ADORA2B: variants seen among roughly 807,000 people sequenced by gnomAD.
ADORA2B encodes the protein adenosine receptor A2b.
ADORA2B carries 18 observed loss-of-function variants against 20.8 expected under a neutral mutation model. The ratio of observed to expected loss-of-function variants is 0.87; its 90% CI spans 0.60 to 1.29. The LOEUF (loss-of-function observed/expected upper bound fraction) is 1.29, where lower values mean the gene tolerates loss of function less well. Among genes scored for constraint, ADORA2B ranks in the 50% most tolerant of loss-of-function variants. ADORA2B has a pLI of 0.00. For missense variants in ADORA2B, 441 were observed against 422.7 expected, an observed-to-expected ratio of 1.04 and a Z score of -0.38; for synonymous variants, 179 against 178.3, an observed-to-expected ratio of 1.00 and a Z score of -0.03.
chr17:15,921,182 G>T, the ADORA2B span, among the ~76,000 whole-genome samples: 1 of 152,230 alleles, frequency 6.6e-6, no homozygotes, highest in Non-Finnish European at 1.5e-5. Flanking sequence ...TTTCCAGAAA[G>T]CAGACAAGCT....
At chr17:15,855,993 T>C in the ADORA2B span, among the ~76,000 whole-genome samples, 230 of 152,164 alleles carry the variant, frequency 1.5e-3, no homozygotes, top group Non-Finnish European at 2.4e-3. Flanking sequence ...TACTCTCTGC[T>C]TCTCTGAGTT....
chr17:15,895,930 C>A, the ADORA2B span, among the ~76,000 whole-genome samples: 1 of 152,172 alleles, frequency 6.6e-6, no homozygotes, highest in Admixed American at 6.5e-5. Flanking sequence ...CCAAGGCTCA[C>A]AACATGCTGC....
intron 1 of ADORA2B, among the ~76,000 whole-genome samples, chr17:15,961,349 T>C (rs1455060700): frequency 6.6e-6 from 1 of 152,192 alleles, no homozygotes; most frequent in East Asian, 1.9e-4. Context: ...TGAGTTTGGT[T>C]GTTTCCTTAT....
At chr17:15,923,374 TC>T in the ADORA2B span, among the ~76,000 whole-genome samples, 9 of 140,662 alleles carry the variant, frequency 6.4e-5, no homozygotes, top group South Asian at 1.6e-3. Flanking sequence ...TCTGTCTCTC[TC>T]TCTATGTGTG....
At chr17:15,956,697 G>A (rs906850799) in intron 1 of ADORA2B, among the ~76,000 whole-genome samples, 1 of 147,488 alleles carries the variant, frequency 6.8e-6, no homozygotes. Context: ...CTGGGTTCAA[G>A]CGATTCTCTT....
At chr17:15,961,486 C>T (rs1970042353) in intron 1 of ADORA2B, among the ~76,000 whole-genome samples, 1 of 152,118 alleles carries the variant, frequency 6.6e-6, no homozygotes, top group Non-Finnish European at 1.5e-5. Context: ...TAAATCTGAT[C>T]ACATGGTAAA....
At chr17:15,866,730 GCTGCCTCTGCCT>G in the ADORA2B span, among the ~76,000 whole-genome samples, 1 of 144,404 alleles carries the variant, frequency 6.9e-6, no homozygotes, top group Admixed American at 6.7e-5. Context: ...TGCCGCTGCC[GCTGCCTCTGCCT>G]CTGCCGCTGC....
At chr17:15,873,694 G>C in the ADORA2B span, among the ~76,000 whole-genome samples, 2 of 152,072 alleles carry the variant, frequency 1.3e-5, no homozygotes, top group Non-Finnish European at 2.9e-5. Flanking sequence ...CACAATGAGA[G>C]ACCACGTTAC....
At chr17:15,856,751 A>G in the ADORA2B span, among the ~76,000 whole-genome samples, 1 of 152,234 alleles carries the variant, frequency 6.6e-6, no homozygotes, top group Non-Finnish European at 1.5e-5. Flanking sequence ...CCCCTGCCTT[A>G]GAGATCTGTG....
the ADORA2B span, among the ~76,000 whole-genome samples, chr17:15,901,169 A>G: frequency 6.6e-6 from 1 of 152,150 alleles, no homozygotes; most frequent in Admixed American, 6.5e-5. Context: ...AGCTATACTG[A>G]AATAGCTAAT....
At chr17:15,933,455 G>C in the ADORA2B span, among the ~76,000 whole-genome samples, 1 of 152,074 alleles carries the variant, frequency 6.6e-6, no homozygotes, top group Non-Finnish European at 1.5e-5. Context: ...CCAGTTATTT[G>C]GGTATTTTTA....
intron 1 of ADORA2B, among the ~76,000 whole-genome samples, chr17:15,950,491 C>T (rs1017007406): frequency 6.6e-6 from 1 of 152,176 alleles, no homozygotes; most frequent in Admixed American, 6.5e-5. Flanking sequence ...TACCAGGATG[C>T]CACTGAATTC....
intron 1 of ADORA2B, among the ~76,000 whole-genome samples, chr17:15,960,769 G>C (rs1463717949): frequency 6.8e-6 from 1 of 147,708 alleles, no homozygotes; most frequent in Non-Finnish European, 1.5e-5. Context: ...CCAGCTACTC[G>C]GGAGGCTGAG....
At chr17:15,940,854 G>T (rs558821160), upstream of ADORA2B, among the ~76,000 whole-genome samples, 3 of 152,354 alleles carry the variant, frequency 2.0e-5, no homozygotes, top group East Asian at 5.8e-4. Flanking sequence ...GCCCTCTTCT[G>T]CATTGAATGA....
At chr17:15,862,683 C>T in the ADORA2B span, among the ~76,000 whole-genome samples, 1 of 152,038 alleles carries the variant, frequency 6.6e-6, no homozygotes, top group East Asian at 1.9e-4. Flanking sequence ...CAGCCCCTTG[C>T]ATTGTGCAAC....
At chr17:15,910,187 T>C in the ADORA2B span, among the ~76,000 whole-genome samples, 1 of 152,210 alleles carries the variant, frequency 6.6e-6, no homozygotes, top group Non-Finnish European at 1.5e-5. Flanking sequence ...CATCTCTGAT[T>C]GCTGATCTGA....
At chr17:15,874,538 A>T in the ADORA2B span, among the ~76,000 whole-genome samples, 32 of 150,386 alleles carry the variant, frequency 2.1e-4, no homozygotes, top group South Asian at 1.1e-3. Context: ...AAAAAAAAAT[A>T]AATAATAAGC....
At chr17:15,869,219 C>T in the ADORA2B span, among the ~76,000 whole-genome samples, 7 of 151,618 alleles carry the variant, frequency 4.6e-5, no homozygotes, top group Non-Finnish European at 1.0e-4. Context: ...ACTCGGGAGG[C>T]TGAGGCACTA....
At chr17:15,949,828 G>A (rs1969873509) in intron 1 of ADORA2B, among the ~76,000 whole-genome samples, 1 of 152,032 alleles carries the variant, frequency 6.6e-6, no homozygotes, top group Non-Finnish European at 1.5e-5. Context: ...CCCCAGCCTG[G>A]GTGACAATAG....
Sources: allele counts gnomAD v4.1 joint callset (sites outside exome capture counted in the v4.1 genomes callset), GRCh38; gene constraint gnomAD v4.1.1; transcripts MANE v1.5; gene names NCBI Gene and HGNC (gene_info 2026-07-23, HGNC 2026-07-21).